UPRT: variants seen among roughly 807,000 people sequenced by gnomAD.
The protein encoded by UPRT is uracil phosphoribosyltransferase homolog.
UPRT carries 5 observed loss-of-function variants against 22.6 expected under a neutral mutation model. The observed-to-expected ratio is 0.22, with a 90% CI of 0.12 to 0.47. The LOEUF (loss-of-function observed/expected upper bound fraction) is 0.47. Among genes scored for constraint, UPRT ranks in the 20% least tolerant of loss-of-function variants. The pLI, the probability that UPRT is intolerant of heterozygous loss-of-function variation, is 0.99. For synonymous variants in UPRT, 77 were observed against 87.7 expected, an observed-to-expected ratio of 0.88 and a Z score of 0.68; for missense variants, 181 against 239.9, an observed-to-expected ratio of 0.75 and a Z score of 1.62.
At chrX:75,229,386 A>G (rs1270149818) in intron 4 of UPRT, among the ~76,000 whole-genome samples, 1 of 112,268 alleles carries the variant, frequency 8.9e-6, no homozygotes, top group Non-Finnish European at 1.9e-5. Context: ...CAGGAAAGTA[A>G]ATAGTAAAGA....
At chrX:75,250,882 C>T (rs746684181) in intron 4 of UPRT, among the ~76,000 whole-genome samples, 2 of 111,978 alleles carry the variant, frequency 1.8e-5, no homozygotes, top group South Asian at 7.6e-4. Flanking sequence ...TGGGCTTCAT[C>T]CCTGGGATGC....
chrX:75,272,340 ATATACACATATATATATG>A (rs2082612763), upstream of UPRT, among the ~76,000 whole-genome samples: 1 of 92,991 alleles, frequency 1.1e-5, no homozygotes, highest in African/African-American at 4.4e-5. Flanking sequence ...GTATATATAT[ATATACACATATATATATG>A]TGTATATATA....
intron 4 of UPRT, among the ~76,000 whole-genome samples, chrX:75,193,978 T>C (rs888857177): frequency 2.7e-5 from 3 of 112,073 alleles, no homozygotes; most frequent in Non-Finnish European, 5.6e-5. Flanking sequence ...CTCCACCTGG[T>C]TAAGAACTAT....
chrX:75,188,374 G>A (rs997832850), intron 4 of UPRT, among the ~76,000 whole-genome samples: 4 of 112,091 alleles, frequency 3.6e-5, no homozygotes, highest in African/African-American at 9.7e-5. Flanking sequence ...GAGGCAGTCT[G>A]CCCGTTCTCA....
intron 4 of UPRT, among the ~76,000 whole-genome samples, chrX:75,181,138 G>T (rs2082269006): frequency 9.0e-6 from 1 of 110,587 alleles, no homozygotes; most frequent in African/African-American, 3.3e-5. Context: ...TGTTTTTGCT[G>T]ATTTTGTCAA....
chrX:75,237,598 C>T (rs2082472081), intron 4 of UPRT, among the ~76,000 whole-genome samples: 1 of 110,337 alleles, frequency 9.1e-6, no homozygotes, highest in Non-Finnish European at 1.9e-5. Flanking sequence ...CACATATACA[C>T]CATGGAATAC....
chrX:75,241,512 T>C (rs1410936259), intron 4 of UPRT, among the ~76,000 whole-genome samples: 1 of 111,760 alleles, frequency 8.9e-6, no homozygotes, highest in Non-Finnish European at 1.9e-5. Flanking sequence ...GAAAACAGTA[T>C]GGAGATTCCC....
At chrX:75,190,730 A>C (rs774572544) in intron 4 of UPRT, among the ~76,000 whole-genome samples, 1 of 111,170 alleles carries the variant, frequency 9.0e-6, no homozygotes, top group Non-Finnish European at 1.9e-5. Context: ...CATTCATTTG[A>C]TCTTCCATCG....
At chrX:75,222,282 G>A (rs968904977) in intron 4 of UPRT, among the ~76,000 whole-genome samples, 2 of 111,850 alleles carry the variant, frequency 1.8e-5, no homozygotes, top group African/African-American at 6.5e-5. Flanking sequence ...TACTGGATGA[G>A]AACTGAAGCC....
At chrX:75,163,405 A>G (rs2082205284) in intron 3 of UPRT, among the ~76,000 whole-genome samples, 1 of 112,078 alleles carries the variant, frequency 8.9e-6, no homozygotes. Flanking sequence ...CCTTAATTAC[A>G]TCAGCAAATT....
rs1433902083 is a variant in UPRT, at chrX:75,294,690, TTAGATAGTAACAA to T, written c.429+1177_429+1189del. ...GAGTTTTCATTGGCAGTAATAACCCTTAGATAGTAACAAGATAAATGTGGTTGACATTCCTGGA... is the reference window on the plus strand; with the variant it reads ...GAGTTTTCATTGGCAGTAATAACCCTGATAAATGTGGTTGACATTCCTGGA... On this transcript the variant is annotated intron_variant, in intron 2 of 6. Coordinates refer to ENST00000373383, the MANE Select transcript of UPRT (RefSeq NM_145052.4). 11 of 694,023 alleles carry T rather than the reference TTAGATAGTAACAA, an allele frequency of 1.6e-5. No individual in the cohort carries two copies. In the African/African-American group the frequency reaches 2.1e-4, roughly 13 times the overall value. 57.2% of individuals were successfully genotyped at this position (694,023 alleles called of 1,213,427 possible).
intron 1 of UPRT, among the ~76,000 whole-genome samples, chrX:75,160,288 T>A (rs1479813802): frequency 1.8e-5 from 2 of 111,819 alleles, no homozygotes; most frequent in African/African-American, 3.3e-5. Context: ...ATGCATTTTT[T>A]AAAAACTTTG....
chrX:75,229,566 A>C lies in UPRT; in HGVS notation c.-446-61458A>C, dbSNP rs1426588488. On this transcript the variant is annotated intron_variant, in intron 4 of 13. Transcript: ENST00000652605. Reference sequence around the variant, plus strand: ...GTTCCCAAAGTGTGAGAGGGGAAAAAGTCAGCCTCTGAACATCCATCCCTA... The same window carrying C: ...GTTCCCAAAGTGTGAGAGGGGAAAACGTCAGCCTCTGAACATCCATCCCTA... Among the ~76,000 whole-genome samples the C allele has an allele frequency of 2.7e-5, 3 of 112,061 alleles. No homozygotes were observed. The Admixed American group carries it at 2.8e-4, about 11-fold the overall frequency.
intron 3 of UPRT, among the ~76,000 whole-genome samples, chrX:75,163,566 T>C (rs1474546865): frequency 9.0e-6 from 1 of 111,716 alleles, no homozygotes; most frequent in Non-Finnish European, 1.9e-5. Context: ...ATTCTGCCTA[T>C]GACAAAAAAC....
At chrX:75,212,592 C>T (rs148944421) in intron 4 of UPRT, among the ~76,000 whole-genome samples, 2,436 of 112,083 alleles carry the variant, frequency 0.022, 73 homozygotes, top group African/African-American at 0.075. Context: ...ATACACACCA[C>T]GGAATACTAT....
At chrX:75,266,609 G>C (rs2082589328) in intron 4 of UPRT, among the ~76,000 whole-genome samples, 1 of 111,490 alleles carries the variant, frequency 9.0e-6, no homozygotes, top group Non-Finnish European at 1.9e-5. Context: ...TTAAACTAAA[G>C]AGCTTCTGCA....
intron 4 of UPRT, among the ~76,000 whole-genome samples, chrX:75,243,609 C>A (rs1047038209): frequency 1.9e-4 from 21 of 111,625 alleles, no homozygotes; most frequent in Non-Finnish European, 3.2e-4. Context: ...AATAATTAAA[C>A]TGGCTGGATG....
At chrX:75,235,113 A>G (rs1164355120) in intron 4 of UPRT, among the ~76,000 whole-genome samples, 8 of 111,888 alleles carry the variant, frequency 7.2e-5, no homozygotes, top group Admixed American at 3.8e-4. Flanking sequence ...TATCACCACC[A>G]ATCCCACAGA....
chrX:75,238,717 C>G (rs1385646969), intron 4 of UPRT, among the ~76,000 whole-genome samples: 1 of 111,693 alleles, frequency 9.0e-6, no homozygotes, highest in Non-Finnish European at 1.9e-5. Context: ...TGATAGGCCA[C>G]AAGAAGTGAC....
Sources: allele counts gnomAD v4.1 joint callset (sites outside exome capture counted in the v4.1 genomes callset), GRCh38; gene constraint gnomAD v4.1.1; transcripts MANE v1.5; gene names NCBI Gene and HGNC (gene_info 2026-07-23, HGNC 2026-07-21).